Variants in NUP58 observed in about 807,000 individuals in gnomAD.
NUP58 encodes nucleoporin 58, also known as nucleoporin p58/p45.
Under a neutral mutation model 70.1 loss-of-function variants are expected in NUP58, and 17 were observed. The ratio of observed to expected loss-of-function variants is 0.24; its 90% CI spans 0.17 to 0.36. The LOEUF (loss-of-function observed/expected upper bound fraction) is 0.36, where lower values mean the gene tolerates loss of function less well. Among genes scored for constraint, NUP58 ranks in the 10% least tolerant of loss-of-function variants. NUP58 has a pLI of 1.00. For synonymous variants in NUP58, 275 were observed against 257.6 expected, an observed-to-expected ratio of 1.07 and a Z score of -0.65; for missense variants, 644 against 701.5, an observed-to-expected ratio of 0.92 and a Z score of 0.93.
At chr13:25,345,530 A>G (rs1391710283), downstream of NUP58, among the ~76,000 whole-genome samples, 1 of 151,464 alleles carries the variant, frequency 6.6e-6, no homozygotes, top group Admixed American at 6.6e-5. Flanking sequence ...CTGGTTCCCT[A>G]TGAAGAGGTT....
At chr13:25,331,751 A>G in intron 13 of NUP58, 193 bp downstream of exon 13, 3 of 1,414,380 alleles carry the variant, frequency 2.1e-6, no homozygotes, top group South Asian at 3.1e-5. Flanking sequence ...AGCAATAATT[A>G]TACATCAATT....
chr13:25,308,323 C>CA (rs2030479829), intron 2 of NUP58, among the ~76,000 whole-genome samples: 1 of 152,042 alleles, frequency 6.6e-6, no homozygotes, highest in East Asian at 1.9e-4. Flanking sequence ...TTTTTAGATA[C>CA]ACAGTCTTGC....
chr13:25,312,352 G>A (rs1221602551), intron 3 of NUP58, among the ~76,000 whole-genome samples: 1 of 152,018 alleles, frequency 6.6e-6, no homozygotes, highest in African/African-American at 2.4e-5. Flanking sequence ...ATGTTACATC[G>A]ATTGGATTTT....
At chr13:25,310,242 C>T (rs1156561459) in intron 3 of NUP58, among the ~76,000 whole-genome samples, 22 of 84,500 alleles carry the variant, frequency 2.6e-4, no homozygotes, top group African/African-American at 9.1e-4. Flanking sequence ...TTTTTAGAGA[C>T]GGAATTTTGC....
intron 5 of NUP58, 117 bp downstream of exon 5, chr13:25,313,868 A>C: frequency 4.3e-6 from 3 of 698,266 alleles, no homozygotes; most frequent in Non-Finnish European, 6.6e-6. Flanking sequence ...TTTAAATATG[A>C]AAACTAAATT....
At chr13:25,310,859 A>G (rs1243741084) in intron 3 of NUP58, among the ~76,000 whole-genome samples, 1 of 152,174 alleles carries the variant, frequency 6.6e-6, no homozygotes, top group African/African-American at 2.4e-5. Flanking sequence ...CTTCCTAACC[A>G]TGCAGCCTTG....
intron 1 of NUP58, among the ~76,000 whole-genome samples, chr13:25,305,761 A>C (rs749467336): frequency 8.5e-5 from 13 of 152,094 alleles, no homozygotes; most frequent in Non-Finnish European, 1.9e-4. Context: ...AGGTGTGTAC[A>C]TTTCTACTGC....
chr13:25,328,560 T>C (rs2031491334), intron 12 of NUP58, among the ~76,000 whole-genome samples: 1 of 152,012 alleles, frequency 6.6e-6, no homozygotes, highest in African/African-American at 2.4e-5. Context: ...CATGCCTGGC[T>C]AATTTTTTGT....
At chr13:25,316,958 G>C (rs1036352984) in intron 6 of NUP58, among the ~76,000 whole-genome samples, 1 of 152,042 alleles carries the variant, frequency 6.6e-6, no homozygotes, top group African/African-American at 2.4e-5. Flanking sequence ...TAAATAACTT[G>C]GGTGTGTTTC....
chr13:25,306,018 TTTAG>T (rs947288401), intron 1 of NUP58, among the ~76,000 whole-genome samples: 3 of 152,142 alleles, frequency 2.0e-5, no homozygotes, highest in African/African-American at 7.2e-5. Flanking sequence ...ACATAATATG[TTTAG>T]TTAAATTTAT....
chr13:25,324,556 G>A (rs1271527308), intron 9 of NUP58, among the ~76,000 whole-genome samples: 1 of 152,014 alleles, frequency 6.6e-6, no homozygotes, highest in Non-Finnish European at 1.5e-5. Flanking sequence ...TCCTTGAGAA[G>A]TAACTTTTAG....
At chr13:25,321,120 G>A (rs199855657) in intron 9 of NUP58, 27 bp downstream of exon 9, 17 of 1,541,578 alleles carry the variant, frequency 1.1e-5, no homozygotes, top group African/African-American at 2.8e-5. Context: ...CCATTTTACC[G>A]TAGGGTTTTT....
chr13:25,336,700 A>G (rs1462678674), intron 13 of NUP58, among the ~76,000 whole-genome samples: 1 of 152,098 alleles, frequency 6.6e-6, no homozygotes, highest in East Asian at 1.9e-4. Context: ...TTAATTGTCT[A>G]GTTCTGAACA....
intron 9 of NUP58, 68 bp downstream of exon 9, chr13:25,321,161 G>T: frequency 7.3e-7 from 1 of 1,372,934 alleles, no homozygotes; most frequent in Non-Finnish European, 1.0e-6. Context: ...TGGAAATAAG[G>T]TGTTTTGTTT....
chr13:25,331,892 T>C, intron 13 of NUP58: 1 of 1,095,562 alleles, frequency 9.1e-7, no homozygotes, highest in African/African-American at 1.6e-5. Context: ...ACTGTACCAT[T>C]TATTGTTTTA....
At chr13:25,309,648 GT>G (rs558900182) in intron 3 of NUP58, among the ~76,000 whole-genome samples, 155 of 152,292 alleles carry the variant, frequency 1.0e-3, no homozygotes, top group African/African-American at 3.6e-3. Flanking sequence ...CTTAGGTAAT[GT>G]TTGGGGCTTT....
chr13:25,348,180 A>G (rs947018972), intron 3 of NUP58, among the ~76,000 whole-genome samples: 6 of 152,188 alleles, frequency 3.9e-5, no homozygotes, highest in African/African-American at 1.2e-4. Flanking sequence ...ATATTGGGCG[A>G]CATTTAAGTG....
downstream of NUP58, among the ~76,000 whole-genome samples, chr13:25,344,523 T>G (rs920872200): frequency 6.6e-6 from 1 of 152,218 alleles, no homozygotes; most frequent in South Asian, 2.1e-4. Context: ...TTAGCCTTTT[T>G]GTTTGTTTTT....
At chr13:25,336,157 A>G (rs936962843) in intron 13 of NUP58, 1 of 1,343,668 alleles carries the variant, frequency 7.4e-7, no homozygotes, top group Non-Finnish European at 9.9e-7. Context: ...AATGTATTGA[A>G]TCTGTCAAGG....
Sources: allele counts gnomAD v4.1 joint callset (sites outside exome capture counted in the v4.1 genomes callset), GRCh38; gene constraint gnomAD v4.1.1; transcripts MANE v1.5; gene names NCBI Gene and HGNC (gene_info 2026-07-23, HGNC 2026-07-21).